The following CPQ variants were observed in gnomAD, a reference collection of about 807,000 sequenced individuals.
The protein encoded by CPQ is carboxypeptidase Q.
Under a neutral mutation model 45.7 loss-of-function variants are expected in CPQ, and 37 were observed. That is an observed-to-expected ratio of 0.81 (90% CI 0.62 to 1.07). CPQ has a LOEUF of 1.07. Ranked by LOEUF, CPQ falls within the 50% of genes least tolerant of loss-of-function variation. The pLI is 0.00. For synonymous variants in CPQ, 186 were observed against 205.8 expected, an observed-to-expected ratio of 0.90 and a Z score of 0.82; for missense variants, 537 against 572.9, an observed-to-expected ratio of 0.94 and a Z score of 0.64.
chr8:96,871,917 C>CT (rs1056549852), intron 3 of CPQ, among the ~76,000 whole-genome samples: 2 of 151,548 alleles, frequency 1.3e-5, no homozygotes, highest in Non-Finnish European at 2.9e-5. Flanking sequence ...ATTATTTTTT[C>CT]TTTTTTTACG....
intron 7 of CPQ, among the ~76,000 whole-genome samples, chr8:97,094,748 G>C (rs1000771204): frequency 6.6e-6 from 1 of 150,420 alleles, no homozygotes; most frequent in African/African-American, 2.4e-5. Context: ...TCAAGTATTC[G>C]CCATTAAAAT....
chr8:96,722,839 G>A (rs751366437), intron 1 of CPQ, among the ~76,000 whole-genome samples: 14 of 152,212 alleles, frequency 9.2e-5, no homozygotes, highest in Middle Eastern at 3.4e-3. Context: ...TTTCCCTGGC[G>A]CAGGAAGAGG....
intron 5 of CPQ, among the ~76,000 whole-genome samples, chr8:97,024,063 T>C (rs1045148962): frequency 1.8e-4 from 27 of 152,234 alleles, no homozygotes; most frequent in African/African-American, 6.0e-4. Flanking sequence ...GAGGCGCTTC[T>C]GGAGTTGGCC....
At chr8:96,855,209 C>T (rs1053907257) in intron 3 of CPQ, among the ~76,000 whole-genome samples, 1 of 151,668 alleles carries the variant, frequency 6.6e-6, no homozygotes, top group African/African-American at 2.4e-5. Flanking sequence ...AATGCCCTCA[C>T]AGAAACATCC....
chr8:96,954,615 CTTTAAG>C (rs1813323533), intron 4 of CPQ, among the ~76,000 whole-genome samples: 3 of 151,926 alleles, frequency 2.0e-5, no homozygotes, highest in Non-Finnish European at 4.4e-5. Flanking sequence ...ATTTATTATA[CTTTAAG>C]TTTTAGGGTA....
intron 3 of CPQ, among the ~76,000 whole-genome samples, chr8:96,843,274 G>A (rs760604817): frequency 6.6e-6 from 1 of 152,072 alleles, no homozygotes; most frequent in Non-Finnish European, 1.5e-5. Context: ...TACATGTAAA[G>A]TTGCTACTAT....
intron 6 of CPQ, among the ~76,000 whole-genome samples, chr8:97,036,127 G>A (rs1249715167): frequency 6.6e-6 from 1 of 152,138 alleles, no homozygotes; most frequent in Non-Finnish European, 1.5e-5. Flanking sequence ...TTTCAATTTA[G>A]AGAAACATCT....
intron 1 of CPQ, among the ~76,000 whole-genome samples, chr8:96,778,795 G>A (rs545990602): frequency 1.2e-4 from 19 of 152,072 alleles, no homozygotes; most frequent in Non-Finnish European, 2.8e-4. Flanking sequence ...GGCAAAGTGT[G>A]GTGGCTCACG....
Position 96,965,920 on chromosome 8 carries a change from T to G in CPQ, c.850-15T>G. ...TGCTTAGTTTTATTTTTTAACTTTT[T>G]ATTATTTGTTCTAGGTTGTACTGGT... is the stretch of plus-strand genomic sequence containing the variant. On this transcript the variant is annotated splice_polypyrimidine_tract_variant and intron_variant, in intron 4 of 7. Transcript: ENST00000220763. 1 of 1,508,746 alleles carries G rather than the reference T, an allele frequency of 6.6e-7. No homozygotes were observed. The highest frequency in any genetic ancestry group is 8.9e-7 in the Non-Finnish European group (1 of 1,124,040). The allele number at this position is 1,508,746 out of a possible 1,614,324, so 93.5% of individuals were successfully genotyped here.
chr8:97,132,703 A>T (rs1811976906), intron 7 of CPQ: 1 of 152,198 alleles, frequency 6.6e-6, no homozygotes, highest in African/African-American at 2.4e-5. Flanking sequence ...TTGAAAACCC[A>T]TATGCACTGA....
In CPQ at chr8:97,066,050, A is replaced by C; in HGVS notation, c.1095A>C (p.Ala365=). 6.2e-7 allele frequency: 1 copy of C among 1,611,770 alleles called. No individual in the cohort carries two copies. The highest frequency in any genetic ancestry group is 8.5e-7 in the Non-Finnish European group (1 of 1,179,406). Residue 365 remains alanine, a synonymous_variant, in exon 7 of 8, where the codon GCA becomes GCC. Transcript: ENST00000220763. ...SNYSLVMESD[A]GTFLPTGLQF... ...ACAGTCTGGTGATGGAGTCTGACGC[A>C]GGAACCTTCTTACCCACTGGGCTGC... is the stretch of plus-strand genomic sequence containing the variant.
chr8:96,928,180 G>A (rs943449936), intron 4 of CPQ, among the ~76,000 whole-genome samples: 11 of 152,128 alleles, frequency 7.2e-5, no homozygotes, highest in Admixed American at 4.6e-4. Context: ...GACAGAAAGC[G>A]AGGGAAAAGT....
At chr8:96,862,879 T>C (rs1377456188) in intron 3 of CPQ, among the ~76,000 whole-genome samples, 1 of 152,074 alleles carries the variant, frequency 6.6e-6, no homozygotes, top group African/African-American at 2.4e-5. Flanking sequence ...TCCTCCATCC[T>C]GCTTCTTAGA....
At chr8:96,814,001 C>CACAT (rs35531513) in intron 2 of CPQ, among the ~76,000 whole-genome samples, 90,678 of 150,642 alleles carry the variant, frequency 0.6, 27,937 homozygotes, top group East Asian at 0.89. Context: ...TATATATACA[C>CACAT]ACATATATAT....
intron 7 of CPQ, among the ~76,000 whole-genome samples, chr8:97,129,278 C>T (rs1178339853): frequency 1.3e-5 from 2 of 152,160 alleles, no homozygotes; most frequent in African/African-American, 4.8e-5. Flanking sequence ...GGACTCCCCA[C>T]TCCTGTAGTC....
At chr8:96,958,563 T>C (rs1283504091) in intron 4 of CPQ, among the ~76,000 whole-genome samples, 1 of 152,206 alleles carries the variant, frequency 6.6e-6, no homozygotes, top group Non-Finnish European at 1.5e-5. Context: ...CCTATCATTG[T>C]CAAATCAATG....
chr8:96,686,268 T>C (rs910691929), intron 1 of CPQ, among the ~76,000 whole-genome samples: 3 of 152,100 alleles, frequency 2.0e-5, no homozygotes, highest in Non-Finnish European at 4.4e-5. Flanking sequence ...GTCTTCAACT[T>C]ATTGTTAATA....
At chr8:96,824,701 T>A (rs568848849) in intron 2 of CPQ, among the ~76,000 whole-genome samples, 1 of 152,156 alleles carries the variant, frequency 6.6e-6, no homozygotes, top group Non-Finnish European at 1.5e-5. Flanking sequence ...CCATAGCGTA[T>A]GTGCCTAAGT....
At chr8:97,070,523 A>G (rs1810722113) in intron 7 of CPQ, among the ~76,000 whole-genome samples, 1 of 152,200 alleles carries the variant, frequency 6.6e-6, no homozygotes, top group Non-Finnish European at 1.5e-5. Context: ...TGTCTAGACA[A>G]GCTTTTAGAT....
Sources: gnomAD v4.1 joint callset for allele counts (sites outside exome capture counted in the v4.1 genomes callset) on GRCh38, gnomAD v4.1.1 for gene constraint, MANE v1.5 for transcripts, NCBI Gene and HGNC (gene_info 2026-07-23, HGNC 2026-07-21) for gene names.